Variants in TRIM33 observed in about 807,000 individuals in gnomAD.
TRIM33 encodes tripartite motif containing 33.
In TRIM33, 20 loss-of-function variants were observed where a neutral mutation model predicts 125.4. The ratio of observed to expected loss-of-function variants is 0.16; its 90% CI spans 0.11 to 0.23. TRIM33 has a LOEUF of 0.23. Among genes scored for constraint, TRIM33 ranks in the 10% least tolerant of loss-of-function variants. TRIM33 has a pLI of 1.00. For missense variants in TRIM33, 920 were observed against 1,411.4 expected (o/e 0.65, Z 5.58); for synonymous variants, 564 against 513.9 (o/e 1.10, Z -1.32).
chr1:114,438,699 T>C (rs1572055713), intron 4 of TRIM33, among the ~76,000 whole-genome samples: 1 of 152,150 alleles, frequency 6.6e-6, no homozygotes, highest in Non-Finnish European at 1.5e-5. Context: ...TCCAGTAAAA[T>C]ACAGAACAAT....
chr1:114,406,210 A>AT (rs796506122), intron 14 of TRIM33, among the ~76,000 whole-genome samples: 5 of 152,012 alleles, frequency 3.3e-5, no homozygotes, highest in Non-Finnish European at 5.9e-5. Context: ...CTTGGCACCC[A>AT]TTTTTTTTAT....
intron 14 of TRIM33, among the ~76,000 whole-genome samples, chr1:114,406,356 C>T (rs948105014): frequency 1.3e-5 from 2 of 151,912 alleles, no homozygotes; most frequent in South Asian, 4.2e-4. Flanking sequence ...CATGTGCCAA[C>T]CATATAAAAA....
At chr1:114,507,028 T>C (rs1653044400) in intron 1 of TRIM33, among the ~76,000 whole-genome samples, 3 of 152,356 alleles carry the variant, frequency 2.0e-5, no homozygotes, top group Admixed American at 2.0e-4. Context: ...TTGAACAGTC[T>C]ACAATATCCT....
At chr1:114,509,337 A>G (rs1460815763) in intron 1 of TRIM33, among the ~76,000 whole-genome samples, 1 of 152,234 alleles carries the variant, frequency 6.6e-6, no homozygotes, top group African/African-American at 2.4e-5. Context: ...AACAGAACCC[A>G]CTGTGAATGC....
chr1:114,420,472 G>GAGTA, intron 11 of TRIM33: 1 of 1,279,372 alleles, frequency 7.8e-7, no homozygotes, highest in Non-Finnish European at 1.0e-6. Flanking sequence ...TGTAGAAAGG[G>GAGTA]AGTAACTAGC....
chr1:114,468,601 G>A, intron 1 of TRIM33: 1 of 409,536 alleles, frequency 2.4e-6, no homozygotes, highest in Non-Finnish European at 4.7e-6. Flanking sequence ...TGAAGCTGAA[G>A]AAGGTGTAAA....
At chr1:114,441,540 T>C (rs1194913361) in intron 4 of TRIM33, among the ~76,000 whole-genome samples, 2 of 152,184 alleles carry the variant, frequency 1.3e-5, no homozygotes, top group African/African-American at 4.8e-5. Flanking sequence ...GAAGACGTGA[T>C]GACAACGTAC....
chr1:114,427,445 A>C (rs936560778), intron 7 of TRIM33, 151 bp from the exon 8 acceptor site: 26 of 582,692 alleles, frequency 4.5e-5, no homozygotes, highest in Non-Finnish European at 8.0e-5. Context: ...AATCAAATCA[A>C]ATATACATAC....
chr1:114,506,110 G>T (rs1021831857), intron 1 of TRIM33, among the ~76,000 whole-genome samples: 4 of 151,976 alleles, frequency 2.6e-5, no homozygotes, highest in Admixed American at 1.3e-4. Context: ...GAGGCCAGGT[G>T]GTGCCTCACG....
chr1:114,434,924 CAA>C (rs1407029171), intron 4 of TRIM33, among the ~76,000 whole-genome samples: 1 of 151,912 alleles, frequency 6.6e-6, no homozygotes, highest in Non-Finnish European at 1.5e-5. Flanking sequence ...TAAAAATATA[CAA>C]AAGTCAGAAT....
intron 1 of TRIM33, among the ~76,000 whole-genome samples, chr1:114,474,041 G>A (rs1034175162): frequency 6.6e-6 from 1 of 151,916 alleles, no homozygotes; most frequent in Admixed American, 6.6e-5. Flanking sequence ...TAGGACTACG[G>A]GCATACACCA....
chr1:114,404,279 GT>G (rs1652094979), intron 15 of TRIM33: 1 of 151,786 alleles, frequency 6.6e-6, no homozygotes, highest in Admixed American at 6.6e-5. Flanking sequence ...GGACTACAAG[GT>G]GTGTGCCACC....
chr1:114,422,475 T>C (rs1647263296), intron 10 of TRIM33, among the ~76,000 whole-genome samples: 2 of 149,144 alleles, frequency 1.3e-5, no homozygotes, highest in African/African-American at 5.0e-5. Context: ...CATCAATCTT[T>C]TGTATGTGCT....
rs200941972 is a variant in TRIM33 at position 114,430,779 on chromosome 1, T to C, written c.1155+19A>G. 1.8e-5 allele frequency: 24 copies of C among 1,366,856 alleles called. No individual in the cohort carries two copies. The highest frequency in any genetic ancestry group is 3.1e-6 in the Non-Finnish European group (3 of 957,098). The allele number at this position is 1,366,856 out of a possible 1,614,324, so 84.7% of individuals were successfully genotyped here. On this transcript the variant is annotated intron_variant, in intron 6 of 19. Coordinates refer to ENST00000358465, the MANE Select transcript of TRIM33 (RefSeq NM_015906.4). ...AGCAAGAGAAGCAGTTTTTGTTTTA[T>C]TTTGGCTTTGAACCATACCTCTAGC...
chr1:114,485,106 A>G (rs1225770211), intron 1 of TRIM33, among the ~76,000 whole-genome samples: 1 of 152,132 alleles, frequency 6.6e-6, no homozygotes, highest in Non-Finnish European at 1.5e-5. Context: ...CAAACTCCCA[A>G]GAGCAGAGAT....
At chr1:114,456,751 A>G (rs1054769348) in intron 4 of TRIM33, among the ~76,000 whole-genome samples, 1 of 152,148 alleles carries the variant, frequency 6.6e-6, no homozygotes, top group Non-Finnish European at 1.5e-5. Flanking sequence ...CCCCACATGT[A>G]ATAATATAGT....
intron 4 of TRIM33, 78 bp from the exon 5 acceptor site, chr1:114,433,811 G>A (rs113801966): frequency 0.032 from 28,493 of 879,208 alleles, 622 homozygotes; most frequent in Non-Finnish European, 0.04. Context: ...AGCTAAATGA[G>A]TCAATCTTGA....
chr1:114,407,214 CAGA>C, intron 13 of TRIM33, 114 bp from the exon 14 acceptor site: 1 of 876,168 alleles, frequency 1.1e-6, no homozygotes, highest in Admixed American at 2.8e-5. Flanking sequence ...ATTAACTTTA[CAGA>C]AGATAAGGAT....
At chr1:114,410,068 C>G in intron 12 of TRIM33, 116 bp downstream of exon 12, 1 of 1,275,068 alleles carries the variant, frequency 7.8e-7, no homozygotes, top group Non-Finnish European at 1.1e-6. Flanking sequence ...ATCTCCCTTT[C>G]TCTCTTCAAG....
Sources: gnomAD v4.1 joint callset for allele counts (sites outside exome capture counted in the v4.1 genomes callset) on GRCh38, gnomAD v4.1.1 for gene constraint, MANE v1.5 for transcripts, NCBI Gene and HGNC (gene_info 2026-07-23, HGNC 2026-07-21) for gene names.